ZBBX: variants seen among roughly 807,000 people sequenced by gnomAD.
ZBBX encodes the protein zinc finger B-box domain containing.
ZBBX carries 101 observed loss-of-function variants against 108.5 expected under a neutral mutation model. That is an observed-to-expected ratio of 0.93 (90% CI 0.79 to 1.10). The LOEUF (loss-of-function observed/expected upper bound fraction) is 1.10. ZBBX is among the 50% of genes least tolerant of loss of function. ZBBX has a pLI of 0.00. For synonymous variants in ZBBX, 356 were observed against 323.4 expected, an observed-to-expected ratio of 1.10 and a Z score of -1.08; for missense variants, 1,009 against 941.4, an observed-to-expected ratio of 1.07 and a Z score of -0.94.
chr3:167,285,693 C>G (rs1474563878), intron 19 of ZBBX, among the ~76,000 whole-genome samples: 1 of 152,098 alleles, frequency 6.6e-6, no homozygotes, highest in Non-Finnish European at 1.5e-5. Flanking sequence ...AATACTCAAT[C>G]AAATTCAATT....
intron 20 of ZBBX, among the ~76,000 whole-genome samples, chr3:167,279,248 G>T (rs952199758): frequency 1.3e-5 from 2 of 152,138 alleles, no homozygotes; most frequent in African/African-American, 4.8e-5. Flanking sequence ...CCTGGCCAGG[G>T]CAATTAGGCA....
chr3:167,287,016 T>C (rs901554030), intron 19 of ZBBX, among the ~76,000 whole-genome samples: 1 of 152,100 alleles, frequency 6.6e-6, no homozygotes, highest in African/African-American at 2.4e-5. Flanking sequence ...GTAAATATTA[T>C]AACTTTTTAA....
At chr3:167,337,770 T>C (rs1384566888) in intron 9 of ZBBX, among the ~76,000 whole-genome samples, 1 of 152,144 alleles carries the variant, frequency 6.6e-6, no homozygotes, top group East Asian at 1.9e-4. Flanking sequence ...AATATAACAA[T>C]AATCATTTTG....
At chr3:167,348,679 T>A (rs535366238) in intron 9 of ZBBX, among the ~76,000 whole-genome samples, 47 of 152,154 alleles carry the variant, frequency 3.1e-4, no homozygotes, top group African/African-American at 1.1e-3. Flanking sequence ...TAGATTGCCA[T>A]ACATGTTCTG....
upstream of ZBBX, among the ~76,000 whole-genome samples, chr3:167,380,799 T>C (rs548447892): frequency 9.2e-5 from 14 of 152,114 alleles, no homozygotes; most frequent in South Asian, 2.3e-3. Context: ...AACTCTCTTT[T>C]CTTTGTACCG....
intron 1 of ZBBX, among the ~76,000 whole-genome samples, chr3:167,397,855 CAA>C (rs34314883): frequency 3.2e-4 from 45 of 141,160 alleles, no homozygotes; most frequent in East Asian, 8.1e-4. Context: ...AACTCACTTG[CAA>C]AAAAAAAAAA....
At chr3:167,208,218 C>T in the ZBBX span, among the ~76,000 whole-genome samples, 3 of 152,164 alleles carry the variant, frequency 2.0e-5, no homozygotes, top group African/African-American at 7.2e-5. Context: ...ACCAAAGAAA[C>T]TTGAAAGGCA....
intron 8 of ZBBX, among the ~76,000 whole-genome samples, chr3:167,351,288 T>C (rs1471719792): frequency 6.6e-6 from 1 of 152,034 alleles, no homozygotes; most frequent in African/African-American, 2.4e-5. Context: ...AAACTGAAAC[T>C]AAAGAGAAAA....
At chr3:167,277,897 A>G (rs1420607754) in intron 20 of ZBBX, among the ~76,000 whole-genome samples, 3 of 151,800 alleles carry the variant, frequency 2.0e-5, no homozygotes, top group African/African-American at 7.3e-5. Flanking sequence ...ATAACAAACT[A>G]TCTCTCAGAC....
chr3:167,397,363 C>A (rs528698102), intron 1 of ZBBX, among the ~76,000 whole-genome samples: 24 of 151,650 alleles, frequency 1.6e-4, no homozygotes, highest in Admixed American at 2.6e-4. Context: ...CCATGAAATT[C>A]TTTTAAAAAT....
chr3:167,189,087 G>C, the ZBBX span, among the ~76,000 whole-genome samples: 1 of 152,098 alleles, frequency 6.6e-6, no homozygotes, highest in African/African-American at 2.4e-5. Flanking sequence ...AAATATTTGA[G>C]AATGCCTCTT....
the ZBBX span, among the ~76,000 whole-genome samples, chr3:167,186,630 G>A: frequency 6.6e-6 from 1 of 152,114 alleles, no homozygotes; most frequent in African/African-American, 2.4e-5. Context: ...ACATTACAAA[G>A]AGAAGCACAG....
Position 167,282,409 on chromosome 3 carries a change from G to C in ZBBX, c.2083C>G (p.Pro695Ala), listed in dbSNP as rs751367746. The change falls in exon 20 of 22, where the codon CCT (proline) becomes GCT (alanine). Residue 695 changes from proline (P) to alanine (A), a missense_variant. Pro to Ala is a conservative substitution (Grantham distance 27). Coordinates refer to ENST00000675490, the MANE Select transcript of ZBBX (RefSeq NM_001199201.2). The part of the protein sequence containing the change: ...ESSSCLSSSH[P>A]RSRSAAAQSS... ...TGAGCAGCTGCACTTCTTGATCGAG[G>C]ATGAGAGGATGAAAGGCAACTGGAG... The C allele has an allele frequency of 4.3e-6, 7 of 1,614,004 alleles. No individual in the cohort carries two copies. Among genetic ancestry groups the C allele is most frequent in the Non-Finnish European group, 5.9e-6 (7 of 1,180,014 alleles).
At chr3:167,348,348 G>GAAAGAAAGAA (rs1553832760) in intron 9 of ZBBX, among the ~76,000 whole-genome samples, 4 of 106,110 alleles carry the variant, frequency 3.8e-5, no homozygotes, top group African/African-American at 1.5e-4. Context: ...AAGAAAGAAA[G>GAAAGAAAGAA]AAAGAAAGAA....
rs185503083 is a variant in ZBBX at position 167,259,792 on chromosome 3, C to T, written c.2255-17149G>A. 1.4e-4 allele frequency among the ~76,000 whole-genome samples: 22 copies of T among 152,194 alleles called. No homozygotes were observed. The East Asian group carries it at 3.5e-3, about 24-fold the overall frequency. Reference sequence around the variant, plus strand: ...TGTATTTGTATGGTTTTGAAGATTGCTTTTGGAGTTGATTTCCAGTTTTAT... The same window carrying T: ...TGTATTTGTATGGTTTTGAAGATTGTTTTTGGAGTTGATTTCCAGTTTTAT... On this transcript the variant is annotated intron_variant, in intron 20 of 21. Transcript: ENST00000675490.
At chr3:167,216,634 T>C in the ZBBX span, among the ~76,000 whole-genome samples, 1 of 151,924 alleles carries the variant, frequency 6.6e-6, no homozygotes, top group Non-Finnish European at 1.5e-5. Flanking sequence ...TTAAAATTTA[T>C]ATGGAACAAA....
At chr3:167,261,683 C>T (rs925892172) in intron 20 of ZBBX, among the ~76,000 whole-genome samples, 4 of 151,656 alleles carry the variant, frequency 2.6e-5, no homozygotes, top group African/African-American at 9.7e-5. Context: ...CCACCATGCC[C>T]CACCACCCAA....
rs949519926 is a variant in ZBBX, at chr3:167,365,775, G to T, written c.273+111C>A. 4 of 529,402 alleles carry T rather than the reference G, an allele frequency of 7.6e-6. No homozygotes were observed. The East Asian group carries it at 1.4e-4, about 18-fold the overall frequency. 32.8% of individuals were successfully genotyped at this position (529,402 alleles called of 1,614,324 possible). A position where few individuals can be genotyped will look rare whatever the true frequency, so the allele number is the denominator to read the frequency against. ...AATCAACAAGTGAATAATATGCAAA[G>T]TTGTTAAAATAAGAAGAGTATATTC... On this transcript the variant is annotated intron_variant, in intron 6 of 21. Coordinates refer to ENST00000675490, the MANE Select transcript of ZBBX (RefSeq NM_001199201.2).
chr3:167,231,640 A>G, the ZBBX span, among the ~76,000 whole-genome samples: 1 of 151,818 alleles, frequency 6.6e-6, no homozygotes, highest in Non-Finnish European at 1.5e-5. Flanking sequence ...AAAGCTAAAG[A>G]TATTATTCAA....
Sources: allele counts gnomAD v4.1 joint callset (sites outside exome capture counted in the v4.1 genomes callset), GRCh38; gene constraint gnomAD v4.1.1; transcripts MANE v1.5; gene names NCBI Gene and HGNC (gene_info 2026-07-23, HGNC 2026-07-21).